The following TCF4 variants were observed in gnomAD, a reference collection of about 807,000 sequenced individuals.
TCF4 encodes SL3-3 enhancer factor 2.
In TCF4, 3 loss-of-function variants were observed where a neutral mutation model predicts 82.1. That is an observed-to-expected ratio of 0.04 (90% confidence interval 0.02 to 0.09). The LOEUF is 0.09. TCF4 is among the 10% of genes least tolerant of loss of function. The probability of loss-of-function intolerance (pLI) is 1.00; values close to 1 mark genes in which losing one functional copy is unlikely to be tolerated. For synonymous variants in TCF4, 276 were observed against 309.6 expected, an observed-to-expected ratio of 0.89 and a Z score of 1.14; for missense variants, 518 against 852.7, an observed-to-expected ratio of 0.61 and a Z score of 4.89.
intron 2 of TCF4, among the ~76,000 whole-genome samples, chr18:55,622,635 GAA>G (rs564143463): frequency 3.3e-5 from 5 of 151,904 alleles, no homozygotes; most frequent in Admixed American, 6.6e-5. Context: ...TGCTTTGAAT[GAA>G]ATTGCAATTT....
chr18:55,387,802 C>T (rs1173086190), intron 6 of TCF4, among the ~76,000 whole-genome samples: 1 of 152,228 alleles, frequency 6.6e-6, no homozygotes. Context: ...GAAATTTCCT[C>T]AGGATGTGTT....
intron 3 of TCF4, among the ~76,000 whole-genome samples, chr18:55,470,503 T>C (rs1164762597): frequency 1.3e-5 from 2 of 152,218 alleles, no homozygotes; most frequent in Non-Finnish European, 2.9e-5. Flanking sequence ...TCAGTGTACT[T>C]CTATGTGTAA....
chr18:55,575,286 T>C (rs1232707220), intron 3 of TCF4, among the ~76,000 whole-genome samples: 1 of 152,188 alleles, frequency 6.6e-6, no homozygotes, highest in African/African-American at 2.4e-5. Context: ...TGGACAATAA[T>C]GTCCAAGAGG....
In TCF4 at chr18:55,290,437, T is replaced by C. The variant is rs1261124; in HGVS notation, c.550-10781A>G. 4.1e-3 allele frequency among the ~76,000 whole-genome samples: 623 copies of C among 152,272 alleles called. 6 individuals carry two copies. Among genetic ancestry groups the C allele is most frequent in the African/African-American group, 0.014 (597 of 41,548 alleles). The stretch of plus-strand genomic sequence containing the variant: ...TGTCTTTGGGAAATGCTGTCACAGT[T>C]TGTCAGCAGTAATTACACTTCAGGG... On this transcript the variant is annotated intron_variant, in intron 8 of 19. Transcript: ENST00000354452.
intron 5 of TCF4, among the ~76,000 whole-genome samples, chr18:55,407,078 G>A (rs2094129090): frequency 6.6e-6 from 1 of 151,924 alleles, no homozygotes; most frequent in Non-Finnish European, 1.5e-5. Context: ...GATGGGGTTG[G>A]TGCGGGGGGC....
At position 55,432,993 on chromosome 18, in the gene TCF4, G is replaced by C. The variant is rs889090009; in HGVS notation, c.304+28026C>G. ...GTAAGGTCTTTTTAAAAAGATTCTT[G>C]CTGTGGTTTAGCAGTGTGCTGAAAT... On this transcript the variant is annotated intron_variant, in intron 5 of 19. Transcript: ENST00000354452. Among the ~76,000 whole-genome samples the C allele has an allele frequency of 3.9e-5, 6 of 152,282 alleles. No homozygotes were observed. The East Asian group carries it at 1.2e-3, about 29-fold the overall frequency.
intron 15 of TCF4, among the ~76,000 whole-genome samples, chr18:55,246,081 TTTAAGA>T (rs1405765632): frequency 1.3e-5 from 2 of 152,168 alleles, no homozygotes; most frequent in Non-Finnish European, 2.9e-5. Context: ...TTATGGATAG[TTTAAGA>T]TTATGTCCCT....
chr18:55,397,819 C>T (rs1265585658), intron 6 of TCF4, among the ~76,000 whole-genome samples: 1 of 152,056 alleles, frequency 6.6e-6, no homozygotes, highest in Admixed American at 6.6e-5. Context: ...ATTAAATCTG[C>T]AACTTAAAAT....
intron 2 of TCF4, chr18:55,585,618 T>C (rs1603624703): frequency 1.7e-6 from 1 of 588,270 alleles, no homozygotes; most frequent in Non-Finnish European, 2.7e-6. Flanking sequence ...ACAAACACAG[T>C]CCCCATAATG....
chr18:55,279,791 A>G, intron 8 of TCF4, 135 bp from the exon 9 acceptor site: 1 of 1,383,984 alleles, frequency 7.2e-7, no homozygotes, highest in Non-Finnish European at 9.8e-7. Context: ...AACCCTAGAA[A>G]CAGTGCCCTT....
chr18:55,501,417 G>A (rs935852645), intron 3 of TCF4, among the ~76,000 whole-genome samples: 1 of 152,054 alleles, frequency 6.6e-6, no homozygotes, highest in African/African-American at 2.4e-5. Context: ...CAAATCAATA[G>A]TGTTCTCAAT....
At chr18:55,341,853 A>G (rs1464661828) in intron 8 of TCF4, among the ~76,000 whole-genome samples, 1 of 152,164 alleles carries the variant, frequency 6.6e-6, no homozygotes, top group East Asian at 1.9e-4. Flanking sequence ...ACTTTCTCAA[A>G]AGGCTACACG....
At chr18:55,509,546 A>G (rs2146252458) in intron 3 of TCF4, among the ~76,000 whole-genome samples, 1 of 152,370 alleles carries the variant, frequency 6.6e-6, no homozygotes, top group African/African-American at 2.4e-5. Flanking sequence ...GACTGTTGAA[A>G]GAATGATCCC....
intron 5 of TCF4, among the ~76,000 whole-genome samples, chr18:55,416,788 T>C (rs1006532731): frequency 6.6e-6 from 1 of 152,240 alleles, no homozygotes; most frequent in Non-Finnish European, 1.5e-5. Flanking sequence ...GAAATTTAAA[T>C]GACTTTGACA....
intron 5 of TCF4, among the ~76,000 whole-genome samples, chr18:55,459,014 G>A (rs541641600): frequency 1.3e-5 from 2 of 152,292 alleles, no homozygotes; most frequent in Admixed American, 1.3e-4. Context: ...AAAGAGCCAT[G>A]TTTCAAACCA....
chr18:55,303,357 A>G (rs943766536), intron 8 of TCF4, among the ~76,000 whole-genome samples: 1 of 152,042 alleles, frequency 6.6e-6, no homozygotes, highest in African/African-American at 2.4e-5. Context: ...CTGAAAGTTT[A>G]TATGTAGGAT....
chr18:55,621,295 A>G (rs1320460161), intron 2 of TCF4, among the ~76,000 whole-genome samples: 2 of 149,878 alleles, frequency 1.3e-5, no homozygotes, highest in Non-Finnish European at 1.5e-5. Flanking sequence ...CCTAATGCAC[A>G]GTAAATGCTC....
At chr18:55,509,148 A>G (rs1181420932) in intron 3 of TCF4, among the ~76,000 whole-genome samples, 1 of 152,190 alleles carries the variant, frequency 6.6e-6, no homozygotes, top group African/African-American at 2.4e-5. Flanking sequence ...GTCCTTAAGG[A>G]ACATTATTGT....
At chr18:55,229,299 A>C in intron 17 of TCF4, 1 of 582,050 alleles carries the variant, frequency 1.7e-6, no homozygotes, top group Non-Finnish European at 3.1e-6. Flanking sequence ...ACCCAAACCA[A>C]ACAGGTGAGG....
Sources: gnomAD v4.1 joint callset for allele counts (sites outside exome capture counted in the v4.1 genomes callset) on GRCh38, gnomAD v4.1.1 for gene constraint, MANE v1.5 for transcripts, NCBI Gene and HGNC (gene_info 2026-07-23, HGNC 2026-07-21) for gene names.